Variants in KIF1B observed in about 807,000 individuals in gnomAD.
The protein encoded by KIF1B is kinesin family member 1B, also known as kinesin-like protein KIF1B.
A neutral mutation model predicts 241.9 loss-of-function variants in KIF1B; 76 were observed. That is an observed-to-expected ratio of 0.31 (90% confidence interval 0.26 to 0.38). KIF1B has a LOEUF of 0.38. KIF1B is among the 10% of genes least tolerant of loss of function. The probability of loss-of-function intolerance (pLI) is 1.00; values close to 1 mark genes in which losing one functional copy is unlikely to be tolerated. For synonymous variants in KIF1B, 750 were observed against 796.7 expected, an observed-to-expected ratio of 0.94 and a Z score of 0.99; for missense variants, 1,622 against 2,271.4, an observed-to-expected ratio of 0.71 and a Z score of 5.81.
intron 37 of KIF1B, among the ~76,000 whole-genome samples, chr1:10,350,118 G>A (rs1047950503): frequency 5.9e-5 from 9 of 151,916 alleles, no homozygotes; most frequent in East Asian, 1.9e-4. Context: ...GTGAAACCCC[G>A]TCTCTACTAA....
intron 22 of KIF1B, among the ~76,000 whole-genome samples, chr1:10,302,348 A>AAG (rs1460159777): frequency 6.6e-6 from 1 of 152,216 alleles, no homozygotes; most frequent in Non-Finnish European, 1.5e-5. Flanking sequence ...AACACACTTT[A>AAG]ATCGTACGAC....
intron 7 of KIF1B, among the ~76,000 whole-genome samples, chr1:10,269,159 T>C (rs1483656436): frequency 2.0e-5 from 3 of 152,188 alleles, no homozygotes; most frequent in Non-Finnish European, 4.4e-5. Context: ...CCACTGTCAC[T>C]AATTATTAAA....
intron 2 of KIF1B, among the ~76,000 whole-genome samples, chr1:10,237,828 G>A (rs561741258): frequency 1.1e-4 from 16 of 151,298 alleles, no homozygotes; most frequent in South Asian, 2.1e-4. Context: ...GCAACATGGC[G>A]AAACCCTGTC....
intron 32 of KIF1B, among the ~76,000 whole-genome samples, chr1:10,340,934 CTAAAG>C (rs1489147905): frequency 6.6e-5 from 10 of 152,284 alleles, no homozygotes; most frequent in African/African-American, 2.2e-4. Context: ...TGTCTGCTCT[CTAAAG>C]TAAGAGAGGA....
At chr1:10,324,723 A>G (rs1252538614) in intron 25 of KIF1B, 35 bp from the exon 26 acceptor site, 5 of 1,611,696 alleles carry the variant, frequency 3.1e-6, no homozygotes, top group South Asian at 1.1e-5. Context: ...CAATCTCATT[A>G]TATTAACCCA....
intron 1 of KIF1B, among the ~76,000 whole-genome samples, chr1:10,212,053 A>G (rs1016446997): frequency 2.0e-5 from 3 of 152,186 alleles, no homozygotes; most frequent in African/African-American, 7.2e-5. Flanking sequence ...GGTAGCTGAA[A>G]TTAGATTGTC....
At chr1:10,225,233 C>G (rs1646895230) in intron 1 of KIF1B, among the ~76,000 whole-genome samples, 1 of 152,260 alleles carries the variant, frequency 6.6e-6, no homozygotes, top group East Asian at 1.9e-4. Context: ...TGCCTGTAGT[C>G]CCAGCTACTT....
Position 10,337,319 on chromosome 1 carries a change from C to T in KIF1B, c.3260-52C>T. ...TAGGAATGGAAAGCATGCCCAACTC[C>T]CTCCTCTTTGCATTATTTGAACCAT... is the stretch of plus-strand genomic sequence containing the variant. On this transcript the variant is annotated intron_variant, in intron 30 of 48. Transcript: ENST00000676179. This position sits in a 1 kb window ranked among gnomAD's most constrained non-coding sequence, Gnocchi z 4.0. The T allele has an allele frequency of 1.2e-6, 2 of 1,613,078 alleles. No homozygotes were observed. Among genetic ancestry groups the T allele is most frequent in the Non-Finnish European group, 1.7e-6 (2 of 1,179,058 alleles).
intron 38 of KIF1B, among the ~76,000 whole-genome samples, chr1:10,355,697 C>T (rs1652950061): frequency 1.3e-5 from 2 of 152,130 alleles, no homozygotes; most frequent in African/African-American, 4.8e-5. Flanking sequence ...TACAGAATCT[C>T]AGGTTTTGTT....
intron 1 of KIF1B, among the ~76,000 whole-genome samples, chr1:10,223,276 A>G (rs1375316763): frequency 6.6e-6 from 1 of 152,076 alleles, no homozygotes; most frequent in African/African-American, 2.4e-5. Context: ...AAACAAAACA[A>G]CAAAACAAAA....
At chr1:10,276,921 A>G (rs1649143997) in intron 12 of KIF1B, among the ~76,000 whole-genome samples, 1 of 152,114 alleles carries the variant, frequency 6.6e-6, no homozygotes, top group Non-Finnish European at 1.5e-5. Flanking sequence ...TCTCTACTAA[A>G]AATACAAAAA....
chr1:10,280,694 GCT>G (rs1245065264), intron 14 of KIF1B, among the ~76,000 whole-genome samples: 2 of 152,212 alleles, frequency 1.3e-5, no homozygotes, highest in African/African-American at 4.8e-5. Flanking sequence ...GACTGCAACA[GCT>G]CTGTCTGAGA....
chr1:10,333,839 T>C (rs948041599), intron 27 of KIF1B, among the ~76,000 whole-genome samples: 1 of 151,804 alleles, frequency 6.6e-6, no homozygotes, highest in African/African-American at 2.4e-5. Flanking sequence ...ACAAAACCTC[T>C]TTATAATTTC....
intron 2 of KIF1B, among the ~76,000 whole-genome samples, chr1:10,250,519 A>G (rs1327726768): frequency 6.6e-6 from 1 of 152,054 alleles, no homozygotes; most frequent in Non-Finnish European, 1.5e-5. Context: ...TTGTAAATAC[A>G]GTATTTTTAA....
At chr1:10,360,033 A>AAAAAT (rs1019374666) in intron 38 of KIF1B, among the ~76,000 whole-genome samples, 2 of 151,746 alleles carry the variant, frequency 1.3e-5, no homozygotes, top group African/African-American at 4.9e-5. Context: ...ACTCCGTCTC[A>AAAAAT]AAAATAAAAT....
chr1:10,245,057 T>G, intron 2 of KIF1B, among the ~76,000 whole-genome samples: 1 of 152,220 alleles, frequency 6.6e-6, no homozygotes, highest in East Asian at 1.9e-4. Flanking sequence ...ATAACATCAA[T>G]TATAGTTGCA....
intron 15 of KIF1B, among the ~76,000 whole-genome samples, chr1:10,283,112 C>T (rs1198195121): frequency 6.9e-6 from 1 of 144,572 alleles, no homozygotes; most frequent in Non-Finnish European, 1.5e-5. Flanking sequence ...GAGGCTGAGG[C>T]AGGAGAATGG....
At chr1:10,332,500 CATTTTTTTT>C (rs1651985078) in intron 27 of KIF1B, among the ~76,000 whole-genome samples, 1 of 97,840 alleles carries the variant, frequency 1.0e-5, no homozygotes, top group Non-Finnish European at 1.9e-5. Context: ...AGATAATAGT[CATTTTTTTT>C]TTTTTTTTTT....
chr1:10,262,161 C>T lies in KIF1B; in HGVS notation c.429+191C>T, dbSNP rs541493079. ...TTTAATCTTTTTTTTGGGGGGTGCG[C>T]GGTGGGGACAGGGTCTCACTCTGTT... is the stretch of plus-strand genomic sequence containing the variant. On this transcript the variant is annotated intron_variant, in intron 5 of 48. Transcript: ENST00000676179. Among the ~76,000 whole-genome samples the T allele has an allele frequency of 3.6e-4, 55 of 152,034 alleles. 1 individual carries two copies. The South Asian group carries it at 4.4e-3, about 12-fold the overall frequency.
Sources: allele counts gnomAD v4.1 joint callset (sites outside exome capture counted in the v4.1 genomes callset), GRCh38; gene constraint gnomAD v4.1.1; non-coding constraint Gnocchi (gnomAD v3.1); transcripts MANE v1.5; gene names NCBI Gene and HGNC (gene_info 2026-07-23, HGNC 2026-07-21).